CCDC102B: variants seen among roughly 807,000 people sequenced by gnomAD.
CCDC102B encodes coiled-coil domain-containing protein 102B.
A neutral mutation model predicts 57.4 loss-of-function variants in CCDC102B; 75 were observed. The observed-to-expected ratio is 1.31, with a 90% CI of 1.08 to 1.58. The LOEUF is 1.58. Ranked by LOEUF, CCDC102B falls within the 40% of genes most tolerant of loss-of-function variation. CCDC102B has a pLI of 0.00. For missense variants in CCDC102B, 636 were observed against 582.6 expected (o/e 1.09, Z -0.94); for synonymous variants, 206 against 201.9 (o/e 1.02, Z -0.17).
chr18:68,774,620 A>G (rs1235228129), intron 2 of CCDC102B, among the ~76,000 whole-genome samples: 2 of 152,050 alleles, frequency 1.3e-5, no homozygotes, highest in Non-Finnish European at 2.9e-5. Flanking sequence ...AATTATTGTG[A>G]TTTAAATAAC....
chr18:69,054,741 C>A lies in CCDC102B; in HGVS notation c.*604C>A. 1.0e-6 allele frequency: 1 copy of A among 985,250 alleles called. No homozygotes were observed. Among genetic ancestry groups the A allele is most frequent in the Non-Finnish European group, 1.2e-6 (1 of 829,866 alleles). The allele number at this position is 985,250 out of a possible 1,614,324, so 61.0% of individuals were successfully genotyped here. On this transcript the variant is annotated 3_prime_UTR_variant, in exon 8 of 8. Transcript: ENST00000360242. ...AGTAACAGATAACCAGTGATTGAAT[C>A]TAAGACAGGCTGTAAGCATCGCTGA... is the stretch of plus-strand genomic sequence containing the variant.
At chr18:68,972,189 A>G (rs2050318260) in intron 6 of CCDC102B, among the ~76,000 whole-genome samples, 1 of 152,142 alleles carries the variant, frequency 6.6e-6, no homozygotes, top group African/African-American at 2.4e-5. Context: ...GATCTGGGCT[A>G]CTCTTCGTCC....
intron 2 of CCDC102B, among the ~76,000 whole-genome samples, chr18:68,792,238 A>C (rs1481184223): frequency 6.6e-6 from 1 of 152,178 alleles, no homozygotes; most frequent in East Asian, 1.9e-4. Flanking sequence ...GCCACCTCTT[A>C]ATAATTAGAT....
chr18:68,985,111 A>C (rs185856584), intron 6 of CCDC102B, among the ~76,000 whole-genome samples: 1 of 152,268 alleles, frequency 6.6e-6, no homozygotes, highest in East Asian at 1.9e-4. Flanking sequence ...GTAATCTCAC[A>C]TCTTGTTCAC....
intron 4 of CCDC102B, chr18:68,859,148 A>G (rs1163303606): frequency 6.8e-6 from 1 of 147,744 alleles, no homozygotes; most frequent in Non-Finnish European, 1.5e-5. Flanking sequence ...ATAATGCCGC[A>G]TATCTACAAC....
intron 6 of CCDC102B, among the ~76,000 whole-genome samples, chr18:68,947,986 G>C (rs774988913): frequency 3.3e-5 from 5 of 151,944 alleles, no homozygotes; most frequent in Non-Finnish European, 7.4e-5. Flanking sequence ...GTCCTAGCTG[G>C]ATCAAGTTTG....
At chr18:68,744,300 A>G (rs1413870453) in intron 2 of CCDC102B, among the ~76,000 whole-genome samples, 2 of 152,158 alleles carry the variant, frequency 1.3e-5, no homozygotes, top group Non-Finnish European at 2.9e-5. Flanking sequence ...CAATTTTTAG[A>G]TCCATATGGG....
chr18:68,880,118 C>G (rs1192665095), intron 5 of CCDC102B, among the ~76,000 whole-genome samples: 1 of 152,204 alleles, frequency 6.6e-6, no homozygotes, highest in African/African-American at 2.4e-5. Flanking sequence ...GCATGGCGGG[C>G]TGCAGGTCCC....
At chr18:69,008,359 C>T (rs191327274) in intron 6 of CCDC102B, among the ~76,000 whole-genome samples, 351 of 152,230 alleles carry the variant, frequency 2.3e-3, no homozygotes, top group Non-Finnish European at 3.8e-3. Context: ...TACTGTGAAG[C>T]GATTGAAGTG....
intron 2 of CCDC102B, chr18:68,838,475 G>A (rs1222000857): frequency 1.0e-6 from 1 of 985,206 alleles, no homozygotes; most frequent in South Asian, 4.7e-5. Flanking sequence ...AAGAGTTAAA[G>A]CAGAACTTTT....
Position 69,007,493 on chromosome 18 carries a change from C to G in CCDC102B, c.1264-3441C>G, listed in dbSNP as rs554709503. On this transcript the variant is annotated intron_variant, in intron 6 of 7. Coordinates refer to ENST00000360242, the MANE Select transcript of CCDC102B (RefSeq NM_024781.3). ...TCTCATTACACAGCTAAGTTATATCCACTTTCCTAATATAGTCACTGACAA... is the reference window on the plus strand; with the variant it reads ...TCTCATTACACAGCTAAGTTATATCGACTTTCCTAATATAGTCACTGACAA... Among the ~76,000 whole-genome samples, 45 of 152,134 alleles carry G rather than the reference C, an allele frequency of 3.0e-4. 1 individual carries two copies. The highest frequency in any genetic ancestry group is 5.0e-4 in the Non-Finnish European group (34 of 68,036).
At chr18:68,897,194 G>T (rs746789052) in intron 5 of CCDC102B, 25 bp from the exon 6 acceptor site, 9 of 1,586,642 alleles carry the variant, frequency 5.7e-6, no homozygotes, top group Non-Finnish European at 7.7e-6. Flanking sequence ...GCTGCATGCT[G>T]CTTCTTTGTG....
intron 1 of CCDC102B, among the ~76,000 whole-genome samples, chr18:68,824,918 A>G (rs1169927606): frequency 6.6e-6 from 1 of 152,174 alleles, no homozygotes; most frequent in Admixed American, 6.5e-5. Context: ...ATAAATAAAA[A>G]CTGGAAAGGC....
intron 1 of CCDC102B, among the ~76,000 whole-genome samples, chr18:68,801,025 G>A: frequency 6.6e-6 from 1 of 151,720 alleles, no homozygotes; most frequent in African/African-American, 2.4e-5. Flanking sequence ...TTTGTTCAAT[G>A]TATACATGAT....
At position 68,748,447 on chromosome 18, in the gene CCDC102B, A is replaced by G. The variant is rs188520028; in HGVS notation, c.-67+31853A>G. Among the ~76,000 whole-genome samples the G allele has an allele frequency of 1.1e-3, 164 of 152,218 alleles. 1 individual carries two copies. The highest frequency in any genetic ancestry group is 3.9e-3 in the African/African-American group (162 of 41,538). On this transcript the variant is annotated intron_variant, in intron 2 of 3. Transcript: ENST00000578970. ...CTAGGCATCCATTTTACTAACTGGT[A>G]GTTTTGTAGTCAGCATGGTGGCAGA...
chr18:68,998,763 C>G (rs2116271), intron 6 of CCDC102B, among the ~76,000 whole-genome samples: 130,188 of 151,626 alleles, frequency 0.86, 57,804 homozygotes, highest in Non-Finnish European at 0.97. Context: ...TCTTTCCATG[C>G]TCCTCTGCCT....
At chr18:68,879,068 G>A (rs2039569992) in intron 5 of CCDC102B, among the ~76,000 whole-genome samples, 1 of 152,016 alleles carries the variant, frequency 6.6e-6, no homozygotes, top group African/African-American at 2.4e-5. Flanking sequence ...TTCGCGGTGA[G>A]TGTTACAGCT....
chr18:68,917,252 G>A (rs935627626), intron 6 of CCDC102B, among the ~76,000 whole-genome samples: 5 of 152,036 alleles, frequency 3.3e-5, no homozygotes, highest in African/African-American at 1.2e-4. Flanking sequence ...ATGCTTGGAA[G>A]GTCAATGAGG....
intron 6 of CCDC102B, among the ~76,000 whole-genome samples, chr18:68,911,751 CAAAAAAAAAAAAAA>C (rs74175338): frequency 5.5e-5 from 1 of 18,030 alleles, no homozygotes; most frequent in Admixed American, 6.8e-4. Flanking sequence ...GACTCCGTCT[CAAAAAAAAAAAAAA>C]AAAAAAAAAA....
Sources: allele counts gnomAD v4.1 joint callset (sites outside exome capture counted in the v4.1 genomes callset), GRCh38; gene constraint gnomAD v4.1.1; transcripts MANE v1.5; gene names NCBI Gene and HGNC (gene_info 2026-07-23, HGNC 2026-07-21).